Variants in PCDHA7 observed in about 807,000 individuals in gnomAD.
PCDHA7 encodes protocadherin alpha 7, also known as protocadherin alpha-7.
PCDHA7 carries 37 observed loss-of-function variants against 57.2 expected under a neutral mutation model. That is an observed-to-expected ratio of 0.65 (90% CI 0.50 to 0.85). The LOEUF is 0.85. Among genes scored for constraint, PCDHA7 ranks in the 40% least tolerant of loss-of-function variants. The pLI, the probability that PCDHA7 is intolerant of heterozygous loss-of-function variation, is 0.00. For synonymous variants in PCDHA7, 553 were observed against 558.8 expected (o/e 0.99, Z 0.15); for missense variants, 1,188 against 1,241.8 (o/e 0.96, Z 0.65).
chr5:140,872,581 C>T (rs1037284236), intron 1 of PCDHA7, among the ~76,000 whole-genome samples: 14 of 152,104 alleles, frequency 9.2e-5, no homozygotes, highest in African/African-American at 3.1e-4. Flanking sequence ...GACCTATCAT[C>T]GTGAGACCCC....
intron 1 of PCDHA7, chr5:140,842,411 C>A (rs2150335386): frequency 1.9e-6 from 3 of 1,612,732 alleles, no homozygotes; most frequent in Non-Finnish European, 2.5e-6. Context: ...TGAAGACGCT[C>A]AATTTGGTAC....
chr5:140,888,533 T>C (rs2061866119), intron 1 of PCDHA7, among the ~76,000 whole-genome samples: 1 of 152,228 alleles, frequency 6.6e-6, no homozygotes, highest in South Asian at 2.1e-4. Flanking sequence ...TGAAGTTAAG[T>C]TGCTCAGTAC....
intron 1 of PCDHA7, among the ~76,000 whole-genome samples, chr5:140,904,645 T>A (rs1554191647): frequency 6.6e-6 from 1 of 152,128 alleles, no homozygotes; most frequent in Non-Finnish European, 1.5e-5. Context: ...CTCCACACTG[T>A]TTTCCATAGT....
intron 1 of PCDHA7, chr5:140,883,247 A>C: frequency 6.2e-7 from 1 of 1,614,084 alleles, no homozygotes; most frequent in Non-Finnish European, 8.5e-7. Context: ...TGACAAAGGA[A>C]ATATTCCAAT....
chr5:140,904,150 C>T (rs1005130566), intron 1 of PCDHA7, among the ~76,000 whole-genome samples: 1 of 152,036 alleles, frequency 6.6e-6, no homozygotes, highest in Non-Finnish European at 1.5e-5. Context: ...GTATACATTG[C>T]ACCCAGTTTG....
Position 140,968,348 on chromosome 5 carries a change from A to G in PCDHA7, c.2356-10601A>G, listed in dbSNP as rs782567344. The stretch of plus-strand genomic sequence containing the variant: ...CTCCTATGTCTCCATTAACAGTGCC[A>G]GTGGCAGCCTTTATGCTGTCAACTC... On this transcript the variant is annotated intron_variant, in intron 1 of 3. Coordinates refer to ENST00000525929, the MANE Select transcript of PCDHA7 (RefSeq NM_018910.3). 1 of 1,614,124 alleles carries G rather than the reference A, an allele frequency of 6.2e-7. No individual in the cohort carries two copies. The highest frequency in any genetic ancestry group is 2.2e-5 in the East Asian group (1 of 44,886).
chr5:140,857,463 A>G (rs782545869), intron 1 of PCDHA7: 3 of 1,598,592 alleles, frequency 1.9e-6, no homozygotes, highest in Non-Finnish European at 2.6e-6. Context: ...CCAGGCTGCC[A>G]CATCTTCACG....
At chr5:140,948,543 T>C (rs1226242016) in intron 1 of PCDHA7, among the ~76,000 whole-genome samples, 2 of 151,702 alleles carry the variant, frequency 1.3e-5, no homozygotes, top group Non-Finnish European at 3.0e-5. Flanking sequence ...TTTCATGCTC[T>C]GTCAATTTTG....
intron 1 of PCDHA7, chr5:140,926,544 C>G (rs9765406): frequency 0.16 from 35,740 of 221,378 alleles, 3,305 homozygotes; most frequent in African/African-American, 0.26. Context: ...GCGTGGTGGT[C>G]GAGACCCCAG....
intron 1 of PCDHA7, chr5:140,864,329 T>C (rs1381036358): frequency 1.3e-5 from 2 of 152,196 alleles, no homozygotes; most frequent in Non-Finnish European, 2.9e-5. Flanking sequence ...ATCATAATTA[T>C]TTGAGTTTAA....
chr5:140,917,067 C>T (rs375970452), intron 1 of PCDHA7, among the ~76,000 whole-genome samples: 3 of 152,178 alleles, frequency 2.0e-5, no homozygotes, highest in African/African-American at 4.8e-5. Context: ...ACGACAGCAC[C>T]GAGTTTAATG....
chr5:140,978,787 C>G (rs1164015518), intron 1 of PCDHA7, 162 bp from the exon 2 acceptor site: 2 of 972,388 alleles, frequency 2.1e-6, no homozygotes, highest in Non-Finnish European at 2.4e-6. Context: ...TTCTAAAGTG[C>G]TATATATGTA....
At chr5:140,901,942 T>C (rs1307043698) in intron 1 of PCDHA7, among the ~76,000 whole-genome samples, 4 of 152,128 alleles carry the variant, frequency 2.6e-5, no homozygotes, top group Non-Finnish European at 5.9e-5. Flanking sequence ...TAGGTATATT[T>C]AGTTTTATTC....
At chr5:140,966,687 G>A in intron 1 of PCDHA7, 1 of 1,340,546 alleles carries the variant, frequency 7.5e-7, no homozygotes, top group East Asian at 2.9e-5. Flanking sequence ...ACGAGCGGAG[G>A]CGGGGCCCGG....
At chr5:140,875,925 T>C in intron 1 of PCDHA7, 2 of 1,614,142 alleles carry the variant, frequency 1.2e-6, no homozygotes. Context: ...TGGACTCTCA[T>C]TTTCCTCTAG....
At chr5:140,970,082 G>C (rs1203003794) in intron 1 of PCDHA7, among the ~76,000 whole-genome samples, 1 of 152,178 alleles carries the variant, frequency 6.6e-6, no homozygotes, top group Non-Finnish European at 1.5e-5. Context: ...TGGATTAGGG[G>C]TGTGGGGGGA....
chr5:140,850,940 A>G (rs2150503150), intron 1 of PCDHA7: 2 of 1,507,156 alleles, frequency 1.3e-6, no homozygotes, highest in East Asian at 2.3e-5. Context: ...TTCTTGAAAG[A>G]TATTATCGAT....
chr5:140,900,420 GGC>G lies in PCDHA7; in HGVS notation c.2355+63683_2355+63684del, dbSNP rs1554189140. ...AGCCTCCCAAGTAGCTGGGATTATA[GGC>G]ACGTGCCACCACGGCCGGCTAATTT... On this transcript the variant is annotated intron_variant, in intron 1 of 3. Transcript: ENST00000525929. Among the ~76,000 whole-genome samples the G allele has an allele frequency of 7.9e-5, 12 of 152,256 alleles. No individual in the cohort carries two copies. The East Asian group carries it at 2.3e-3, about 30-fold the overall frequency.
At chr5:140,969,180 C>T in intron 1 of PCDHA7, 1 of 1,614,110 alleles carries the variant, frequency 6.2e-7, no homozygotes, top group Non-Finnish European at 8.5e-7. Context: ...GGGAGTGACA[C>T]TTTCATGTTT....
Sources: allele counts gnomAD v4.1 joint callset (sites outside exome capture counted in the v4.1 genomes callset), GRCh38; gene constraint gnomAD v4.1.1; transcripts MANE v1.5; gene names NCBI Gene and HGNC (gene_info 2026-07-23, HGNC 2026-07-21).